Variants in CCNY observed in about 807,000 individuals in gnomAD.
CCNY encodes cyclin-Y.
Under a neutral mutation model 42.8 loss-of-function variants are expected in CCNY, and 19 were observed. The ratio of observed to expected loss-of-function variants is 0.44; its 90% CI spans 0.31 to 0.65. CCNY has a LOEUF of 0.65. Among genes scored for constraint, CCNY ranks in the 30% least tolerant of loss-of-function variants. CCNY has a pLI of 0.07. For synonymous variants in CCNY, 165 were observed against 162.7 expected (o/e 1.01, Z -0.11); for missense variants, 370 against 437.3 (o/e 0.85, Z 1.37).
At chr10:35,483,327 A>G (rs988241040) in intron 1 of CCNY, 77 bp from the exon 2 acceptor site, 7 of 975,654 alleles carry the variant, frequency 7.2e-6, no homozygotes, top group Non-Finnish European at 9.6e-6. Context: ...TTAAAGTTGA[A>G]AAATAATTGA....
intron 1 of CCNY, among the ~76,000 whole-genome samples, chr10:35,439,184 A>G (rs72798166): frequency 3.7e-4 from 56 of 152,266 alleles, no homozygotes; most frequent in Non-Finnish European, 6.6e-4. Flanking sequence ...ATTTCTTCAT[A>G]TACTTTCCAA....
intron 1 of CCNY, among the ~76,000 whole-genome samples, chr10:35,425,947 T>C (rs1838255422): frequency 6.6e-6 from 1 of 152,098 alleles, no homozygotes; most frequent in Admixed American, 6.5e-5. Flanking sequence ...TTTATGCTGC[T>C]CAGAGGCTTC....
At chr10:35,472,416 G>A (rs1839408859) in intron 1 of CCNY, among the ~76,000 whole-genome samples, 1 of 152,178 alleles carries the variant, frequency 6.6e-6, no homozygotes, top group Non-Finnish European at 1.5e-5. Context: ...CTGAATGTGG[G>A]TTATAGAGTC....
chr10:35,431,746 C>T (rs1838416009), intron 1 of CCNY, among the ~76,000 whole-genome samples: 1 of 152,066 alleles, frequency 6.6e-6, no homozygotes, highest in South Asian at 2.1e-4. Flanking sequence ...GTCCCAGGCT[C>T]AGGCTTGGAG....
intron 1 of CCNY, among the ~76,000 whole-genome samples, chr10:35,462,042 C>T (rs879168734): frequency 6.6e-6 from 1 of 152,154 alleles, no homozygotes; most frequent in African/African-American, 2.4e-5. Flanking sequence ...CACTCTAAGG[C>T]ACTCAATTCA....
intron 3 of CCNY, among the ~76,000 whole-genome samples, chr10:35,507,279 A>G (rs953028413): frequency 5.3e-5 from 8 of 152,268 alleles, no homozygotes; most frequent in African/African-American, 1.9e-4. Flanking sequence ...ATGTGTGTGT[A>G]TATATATGTG....
chr10:35,475,919 G>A (rs911433804), intron 1 of CCNY, among the ~76,000 whole-genome samples: 3 of 151,752 alleles, frequency 2.0e-5, no homozygotes, highest in African/African-American at 7.3e-5. Context: ...ACACACATAG[G>A]CTCAAAATAA....
intron 3 of CCNY, among the ~76,000 whole-genome samples, chr10:35,326,889 AAAACAAAC>A (rs368209382): frequency 4.0e-5 from 6 of 151,882 alleles, no homozygotes; most frequent in East Asian, 1.9e-4. Context: ...ACTGTCTCTT[AAAACAAAC>A]AAACAAACAA....
chr10:35,390,501 G>C (rs961348349), intron 1 of CCNY, among the ~76,000 whole-genome samples: 12 of 152,174 alleles, frequency 7.9e-5, no homozygotes, highest in Non-Finnish European at 1.5e-5. Flanking sequence ...TTAAATACTG[G>C]CTGCTTTGAG....
At chr10:35,435,201 G>A (rs188235500) in intron 1 of CCNY, among the ~76,000 whole-genome samples, 68 of 152,306 alleles carry the variant, frequency 4.5e-4, no homozygotes, top group African/African-American at 1.5e-3. Context: ...GCTAGGAGTT[G>A]GAAGCTCCAG....
intron 3 of CCNY, among the ~76,000 whole-genome samples, chr10:35,279,110 G>GTTTT (rs869276523): frequency 2.0e-4 from 21 of 102,802 alleles, no homozygotes; most frequent in East Asian, 8.8e-4. Context: ...AGCTTTCAAT[G>GTTTT]TTTTTTTTTT....
At chr10:35,510,422 G>T (rs1337873403) in intron 3 of CCNY, among the ~76,000 whole-genome samples, 1 of 152,096 alleles carries the variant, frequency 6.6e-6, no homozygotes, top group African/African-American at 2.4e-5. Context: ...TTGCTGTATG[G>T]CTCAGGTTGG....
intron 1 of CCNY, among the ~76,000 whole-genome samples, chr10:35,400,552 A>G (rs1837620903): frequency 6.6e-6 from 1 of 152,198 alleles, no homozygotes; most frequent in Non-Finnish European, 1.5e-5. Flanking sequence ...AAATATTAGT[A>G]ATTTTTTCCG....
intron 3 of CCNY, among the ~76,000 whole-genome samples, chr10:35,297,143 C>G (rs1302889287): frequency 6.7e-6 from 1 of 148,240 alleles, no homozygotes; most frequent in Non-Finnish European, 1.5e-5. Context: ...AAGGCTAGTT[C>G]AATACACAAA....
chr10:35,420,950 T>C (rs893690224), intron 1 of CCNY, among the ~76,000 whole-genome samples: 11 of 152,380 alleles, frequency 7.2e-5, no homozygotes, highest in African/African-American at 2.4e-4. Context: ...TGCAGCATTT[T>C]AAGCCAATTT....
At position 35,566,134 on chromosome 10, in the gene CCNY, C is replaced by T; in HGVS notation, c.858C>T (p.Asn286=). ...FDLRSLAEAN[N]LSFPLEPLSR... is the part of the protein sequence containing the mutation. ...TTCGTTCTCTGGCAGAAGCGAACAACCTGAGCTTTCCCTTGGAGCCCCTGA... is the reference window on the plus strand; with the variant it reads ...TTCGTTCTCTGGCAGAAGCGAACAATCTGAGCTTTCCCTTGGAGCCCCTGA... The change falls in exon 9 of 10, where the codon AAC becomes AAT. Residue 286 remains asparagine (N), a synonymous_variant. Coordinates refer to ENST00000374704, the MANE Select transcript of CCNY (RefSeq NM_145012.6). The T allele has an allele frequency of 6.2e-7, 1 of 1,614,228 alleles. No homozygotes were observed. The highest frequency in any genetic ancestry group is 8.5e-7 in the Non-Finnish European group (1 of 1,180,046).
rs1413863107 is a variant in CCNY at position 35,552,810 on chromosome 10, T to G, written c.580-209T>G. Among the ~76,000 whole-genome samples the G allele has an allele frequency of 3.3e-5, 5 of 152,234 alleles. No homozygotes were observed. The South Asian group carries it at 8.3e-4, about 25-fold the overall frequency. On this transcript the variant is annotated intron_variant, in intron 7 of 9. Coordinates refer to ENST00000374704, the MANE Select transcript of CCNY (RefSeq NM_145012.6). ...CCACAGAGTCTGTTTAAGATCCAGCTGCACCCACACTGTCCACTAATGGAG... is the reference window on the plus strand; with the variant it reads ...CCACAGAGTCTGTTTAAGATCCAGCGGCACCCACACTGTCCACTAATGGAG...
chr10:35,541,341 T>C (rs1589193241), intron 7 of CCNY, among the ~76,000 whole-genome samples: 1 of 152,344 alleles, frequency 6.6e-6, no homozygotes, highest in East Asian at 1.9e-4. Context: ...ATAATGTACA[T>C]AATTTAGTAT....
chr10:35,413,547 C>T (rs1350447219), intron 1 of CCNY, among the ~76,000 whole-genome samples: 2 of 152,092 alleles, frequency 1.3e-5, no homozygotes, highest in African/African-American at 4.8e-5. Context: ...ATTGCAGAGT[C>T]AGACTGTAAA....
Sources: gnomAD v4.1 joint callset for allele counts (sites outside exome capture counted in the v4.1 genomes callset) on GRCh38, gnomAD v4.1.1 for gene constraint, MANE v1.5 for transcripts, NCBI Gene and HGNC (gene_info 2026-07-23, HGNC 2026-07-21) for gene names.